The following KRCC1 variants were observed in gnomAD, a reference collection of about 807,000 sequenced individuals.
KRCC1 encodes lysine-rich coiled-coil protein 1.
KRCC1 carries 3 observed loss-of-function variants against 7.4 expected under a neutral mutation model. That is an observed-to-expected ratio of 0.40 (90% CI 0.18 to 1.04). KRCC1 has a LOEUF of 1.04. Ranked by LOEUF, KRCC1 falls within the 50% of genes least tolerant of loss-of-function variation. The probability of loss-of-function intolerance (pLI) is 0.33; values close to 1 mark genes in which losing one functional copy is unlikely to be tolerated. For missense variants in KRCC1, 277 were observed against 300.9 expected (o/e 0.92, Z 0.59); for synonymous variants, 102 against 101.6 (o/e 1.00, Z -0.02).
chr2:88,052,843 A>C (rs1673525996), intron 1 of KRCC1, among the ~76,000 whole-genome samples: 1 of 152,218 alleles, frequency 6.6e-6, no homozygotes, highest in African/African-American at 2.4e-5. Context: ...TGACCTACAA[A>C]GTGTTGTCAT....
intron 1 of KRCC1, among the ~76,000 whole-genome samples, chr2:88,054,746 G>A (rs76518353): frequency 0.022 from 3,290 of 152,192 alleles, 212 homozygotes; most frequent in East Asian, 0.13. Flanking sequence ...CAGGAGTTGC[G>A]GAATAAAATC....
Position 88,055,735 on chromosome 2 carries a change from T to TGCCGCCACCGCCGCCTCC in KRCC1, c.-418_-401dup, listed in dbSNP as rs1673610621. 6.5e-6 allele frequency: 1 copy of TGCCGCCACCGCCGCCTCC among 153,998 alleles called. No individual in the cohort carries two copies. Among genetic ancestry groups the TGCCGCCACCGCCGCCTCC allele is most frequent in the African/African-American group, 2.4e-5 (1 of 41,394 alleles). The allele number at this position is 153,998 out of a possible 1,614,324, so 9.5% of individuals were successfully genotyped here. A position where few individuals can be genotyped will look rare whatever the true frequency, so the allele number is the denominator to read the frequency against. On this transcript the variant is annotated 5_prime_UTR_variant, in exon 1 of 4. Transcript: ENST00000347055. ...GTGGCGGAGAGGCAGGAACAACCGCTGCCGCCACCGCCGCCTCCGCCGCCG... is the reference window on the plus strand; with the variant it reads ...GTGGCGGAGAGGCAGGAACAACCGCTGCCGCCACCGCCGCCTCCGCCGCCACCGCCGCCTCCGCCGCCG...
intron 1 of KRCC1, among the ~76,000 whole-genome samples, chr2:88,041,513 G>A: frequency 6.6e-6 from 1 of 152,014 alleles, no homozygotes; most frequent in East Asian, 1.9e-4. Context: ...TGTCAAGTTG[G>A]GTTTAAACAA....
rs114500573 is a variant in KRCC1, at chr2:88,035,392, A to G, written c.-181-1100T>C. Among the ~76,000 whole-genome samples, 856 of 152,286 alleles carry G rather than the reference A, an allele frequency of 5.6e-3. 4 individuals carry two copies. The highest frequency in any genetic ancestry group is 0.019 in the African/African-American group (807 of 41,568). ...AAGCTGAAGTGTTGTGTAGGATTCT[A>G]GGAGGGATCCTCCCTTCTGCTGCTG... On this transcript the variant is annotated intron_variant, in intron 2 of 3. Coordinates refer to ENST00000347055, the MANE Select transcript of KRCC1 (RefSeq NM_016618.3).
At chr2:88,051,771 T>C (rs1467723841) in intron 1 of KRCC1, among the ~76,000 whole-genome samples, 1 of 152,242 alleles carries the variant, frequency 6.6e-6, no homozygotes, top group Non-Finnish European at 1.5e-5. Context: ...ATATGCTTTA[T>C]GAATTACAAT....
intron 1 of KRCC1, among the ~76,000 whole-genome samples, chr2:88,048,084 G>GT (rs1470388757): frequency 7.6e-5 from 3 of 39,324 alleles, no homozygotes; most frequent in Non-Finnish European, 2.1e-4. Flanking sequence ...CATTTTCAGT[G>GT]TATTTTTTTT....
chr2:88,046,408 T>C (rs77498275), intron 1 of KRCC1, among the ~76,000 whole-genome samples: 1 of 152,358 alleles, frequency 6.6e-6, no homozygotes, highest in African/African-American at 2.4e-5. Flanking sequence ...ACAAGGTAAG[T>C]GCTGTATGGA....
In KRCC1 at chr2:88,028,549, C is replaced by G. The variant is rs749810220; in HGVS notation, c.15G>C (p.Lys5Asn). The change falls in exon 4 of 4, where the codon AAG (lysine) becomes AAC (asparagine). Residue 5 changes from lysine (K) to asparagine (N), a missense_variant. Lys to Asn is a moderately conservative substitution (Grantham distance 94). Transcript: ENST00000347055. ...CATCTTGAAAAGAGTCATATGTCTT[C>G]TTTGAATGCTTCATTAGGTTGACAA... The part of the protein sequence containing the change: MKHS[K>N]KTYDSFQDEL... 5 of 1,604,756 alleles carry G rather than the reference C, an allele frequency of 3.1e-6. No individual in the cohort carries two copies. In the African/African-American group the frequency reaches 6.7e-5, roughly 22 times the overall value.
intron 1 of KRCC1, among the ~76,000 whole-genome samples, chr2:88,047,107 T>C (rs1673353316): frequency 6.6e-6 from 1 of 152,268 alleles, no homozygotes; most frequent in South Asian, 2.1e-4. Flanking sequence ...CTTCATATCT[T>C]AAATACTAGG....
At chr2:88,040,438 G>A (rs1673185460) in intron 1 of KRCC1, among the ~76,000 whole-genome samples, 1 of 152,046 alleles carries the variant, frequency 6.6e-6, no homozygotes, top group Non-Finnish European at 1.5e-5. Flanking sequence ...TTGTCTTCAA[G>A]GTACTCTGGT....
chr2:88,049,269 G>A (rs1158263026), intron 1 of KRCC1, among the ~76,000 whole-genome samples: 1 of 152,172 alleles, frequency 6.6e-6, no homozygotes, highest in East Asian at 1.9e-4. Context: ...GATCATGCTT[G>A]TGAAGTTAGT....
At position 88,028,524 on chromosome 2, in the gene KRCC1, C is replaced by A; in HGVS notation, c.40G>T (p.Glu14Ter). The A allele has an allele frequency of 6.2e-7, 1 of 1,611,392 alleles. No homozygotes were observed. The highest frequency in any genetic ancestry group is 8.5e-7 in the Non-Finnish European group (1 of 1,178,680). ...TGTACTTTAATATAATCTTCAAGTT[C>A]ATCTTGAAAAGAGTCATATGTCTTC... is the stretch of plus-strand genomic sequence containing the variant. Reference protein sequence around the residue: ...SKKTYDSFQDELEDYIKVQKA... With the variant: ...SKKTYDSFQD The change falls in exon 4 of 4, where the codon GAA (glutamate) becomes TAA (stop). Residue 14 changes from glutamate to a stop codon, truncating the protein, a stop_gained. Coordinates refer to ENST00000347055, the MANE Select transcript of KRCC1 (RefSeq NM_016618.3). LOFTEE classifies it low-confidence loss of function (END_TRUNC).
intron 1 of KRCC1, among the ~76,000 whole-genome samples, chr2:88,038,184 T>C (rs915364757): frequency 6.6e-6 from 1 of 152,200 alleles, no homozygotes; most frequent in African/African-American, 2.4e-5. Context: ...TATATACATA[T>C]GTATTTACTG....
rs1205166961 is a variant in KRCC1 at position 88,044,514 on chromosome 2, A to G, written c.-290-7463T>C. Among the ~76,000 whole-genome samples, 9 of 152,206 alleles carry G rather than the reference A, an allele frequency of 5.9e-5. 1 individual carries two copies. The highest frequency in any genetic ancestry group is 2.6e-4 in the Admixed American group (4 of 15,284). On this transcript the variant is annotated intron_variant, in intron 1 of 3. Coordinates refer to ENST00000347055, the MANE Select transcript of KRCC1 (RefSeq NM_016618.3). ...CTAGAAGATATAAAGACTTTTTATG[A>G]CTCAATTATAGGACAAACTCAATTT...
intron 1 of KRCC1, among the ~76,000 whole-genome samples, chr2:88,050,637 A>T (rs1284353031): frequency 6.6e-6 from 1 of 152,124 alleles, no homozygotes; most frequent in East Asian, 1.9e-4. Flanking sequence ...AATAAATAAA[A>T]AATAAAAACA....
chr2:88,046,367 T>C (rs1385901704), intron 1 of KRCC1, among the ~76,000 whole-genome samples: 1 of 152,224 alleles, frequency 6.6e-6, no homozygotes, highest in African/African-American at 2.4e-5. Context: ...TAGAAATTAA[T>C]ACATGCAAAG....
Position 88,041,590 on chromosome 2 carries a change from G to A in KRCC1, c.-290-4539C>T, listed in dbSNP as rs541168162. ...AAACAGTTGGGTCCCTGAACTAATT[G>A]TATATGTATCAAACTTCAGTACACA... On this transcript the variant is annotated intron_variant, in intron 1 of 3. Transcript: ENST00000347055. Among the ~76,000 whole-genome samples, 274 of 152,250 alleles carry A rather than the reference G, an allele frequency of 1.8e-3. 1 individual carries two copies. The highest frequency in any genetic ancestry group is 3.4e-3 in the Admixed American group (52 of 15,288).
intron 1 of KRCC1, among the ~76,000 whole-genome samples, chr2:88,037,513 A>G (rs1022544555): frequency 6.6e-6 from 1 of 152,162 alleles, no homozygotes; most frequent in Non-Finnish European, 1.5e-5. Flanking sequence ...CCAGAGCGTG[A>G]TTCTCCTGCC....
Position 88,028,024 on chromosome 2 carries a change from T to A in KRCC1, c.540A>T (p.Arg180Ser). ...KSEEERSKHK[R>S]KKSCEEIDLD... ...AGTCAATTTCCTCGCAGCTTTTTTT[T>A]CTCTTATGCTTAGACCGCTCCTCCT... The change falls in exon 4 of 4, where the codon AGA becomes AGT. Residue 180 changes from arginine (R) to serine (S), a missense_variant. Arg to Ser is a moderately radical substitution (Grantham distance 110). Transcript: ENST00000347055. 5.0e-6 allele frequency: 8 copies of A among 1,614,090 alleles called. No homozygotes were observed. Among genetic ancestry groups the A allele is most frequent in the Non-Finnish European group, 6.8e-6 (8 of 1,180,018 alleles).
Sources: gnomAD v4.1 joint callset for allele counts (sites outside exome capture counted in the v4.1 genomes callset) on GRCh38, gnomAD v4.1.1 for gene constraint, MANE v1.5 for transcripts, NCBI Gene and HGNC (gene_info 2026-07-23, HGNC 2026-07-21) for gene names.